The following TINCR variants were observed in gnomAD, a reference collection of about 807,000 sequenced individuals.
The protein encoded by TINCR is TINCR ubiquitin domain containing.
At chr19:5,558,622 C>G (rs1303936705), downstream of TINCR, 1 of 152,272 alleles carries the variant, frequency 6.6e-6, no homozygotes, top group African/African-American at 2.4e-5. Flanking sequence ...CACAATAGTT[C>G]CCCTTGGCCC....
At position 5,565,210 on chromosome 19, in the gene TINCR, T is replaced by A. The variant is rs1485759928; in HGVS notation, c.261-2261A>T. On this transcript the variant is annotated intron_variant, in intron 1 of 1. Transcript: ENST00000646160. The surrounding 1 kb of genome is among the most constrained non-coding windows in gnomAD (Gnocchi z 4.0). ...CTCGCTGTTCCTCCAACATGCCAGG[T>A]GCAGTCCTGCCTCAGGGCCTTTGCA... Among the ~76,000 whole-genome samples, 1 of 152,000 alleles carries A rather than the reference T, an allele frequency of 6.6e-6. No individual in the cohort carries two copies. The highest frequency in any genetic ancestry group is 1.5e-5 in the Non-Finnish European group (1 of 67,986).
chr19:5,559,731 C>T (rs1305992373), downstream of TINCR: 1 of 152,196 alleles, frequency 6.6e-6, no homozygotes, highest in African/African-American at 2.4e-5. Context: ...TTATTAAATG[C>T]CCCATTTTCT....
intron 1 of TINCR, among the ~76,000 whole-genome samples, chr19:5,566,207 AATG>A (rs2052127716): frequency 3.9e-5 from 6 of 152,070 alleles, no homozygotes; most frequent in Non-Finnish European, 7.4e-5. Flanking sequence ...AGCAGAGAAA[AATG>A]CAGAGACACC....
chr19:5,567,143 A>G (rs1313283233), intron 1 of TINCR, among the ~76,000 whole-genome samples: 1 of 151,992 alleles, frequency 6.6e-6, no homozygotes, highest in Non-Finnish European at 1.5e-5. Context: ...GATAAAAGAG[A>G]CAGAGACAAG....
rs2052123472 is a variant in TINCR, at chr19:5,565,409, A to G, written c.260+2256T>C. ...TTGCGAGTTGACATTCTCCTGTGCTATTATTTGGCTCTAGGCTCTGTGAAG... is the reference window on the plus strand; with the variant it reads ...TTGCGAGTTGACATTCTCCTGTGCTGTTATTTGGCTCTAGGCTCTGTGAAG... On this transcript the variant is annotated intron_variant, in intron 1 of 1. Coordinates refer to ENST00000646160, the Ensembl canonical transcript of TINCR. The surrounding 1 kb of genome is among the most constrained non-coding windows in gnomAD (Gnocchi z 4.0). Among the ~76,000 whole-genome samples the G allele has an allele frequency of 6.6e-6, 1 of 152,120 alleles. No homozygotes were observed. The highest frequency in any genetic ancestry group is 2.1e-4 in the South Asian group (1 of 4,830).
chr19:5,562,606 A>G (rs530198987), downstream of TINCR: 2 of 152,352 alleles, frequency 1.3e-5, no homozygotes, highest in South Asian at 4.1e-4. This position sits in a 1 kb window ranked among gnomAD's most constrained non-coding sequence, Gnocchi z 4.4. Context: ...GGCTGCTGAC[A>G]AGTGATGGGG....
chr19:5,566,679 CAG>C (rs1305171759), intron 1 of TINCR, among the ~76,000 whole-genome samples: 2 of 150,014 alleles, frequency 1.3e-5, no homozygotes, highest in Non-Finnish European at 3.0e-5. Context: ...TACACAGACA[CAG>C]AGAAAAACAG....
chr19:5,562,584 C>T (rs567639720), downstream of TINCR: 28 of 152,238 alleles, frequency 1.8e-4, no homozygotes, highest in African/African-American at 6.3e-4. This position sits in a 1 kb window ranked among gnomAD's most constrained non-coding sequence, Gnocchi z 4.4. Context: ...ATAAGTAAAA[C>T]GTAGAGAAGT....
downstream of TINCR, chr19:5,562,159 G>A (rs1381061178): frequency 6.6e-6 from 1 of 152,650 alleles, no homozygotes; most frequent in Non-Finnish European, 1.5e-5. The surrounding 1 kb of genome is among the most constrained non-coding windows in gnomAD (Gnocchi z 4.4). Context: ...TATTCCTTCA[G>A]CCAGTACCCA....
At chr19:5,561,044 T>TGG (rs2052099367), downstream of TINCR, 3 of 154,088 alleles carry the variant, frequency 1.9e-5, no homozygotes, top group African/African-American at 7.2e-5. Context: ...GGGCACGGCT[T>TGG]GGGCAAAGGT....
downstream of TINCR, chr19:5,562,056 CT>C (rs1006956385): frequency 2.6e-4 from 40 of 152,802 alleles, no homozygotes; most frequent in African/African-American, 9.6e-4. This position sits in a 1 kb window ranked among gnomAD's most constrained non-coding sequence, Gnocchi z 4.4. Context: ...GGTCCTTTCT[CT>C]TTCTCAACTA....
chr19:5,564,340 C>G (rs1456273140), intron 1 of TINCR, among the ~76,000 whole-genome samples: 2 of 152,222 alleles, frequency 1.3e-5, no homozygotes, highest in Non-Finnish European at 2.9e-5. Context: ...AGCCCCTGCT[C>G]TGCCTCTAGA....
chr19:5,564,036 G>C (rs943795834), intron 1 of TINCR, among the ~76,000 whole-genome samples: 9 of 152,290 alleles, frequency 5.9e-5, no homozygotes, highest in African/African-American at 2.2e-4. Context: ...GTGCCTGCTA[G>C]CTCCCGTGAC....
At position 5,565,636 on chromosome 19, in the gene TINCR, T is replaced by G. The variant is rs1035145017; in HGVS notation, c.260+2029A>C. ...GCCCCAAGCTCTGAACCTCCATCCC[T>G]CATCATCCTCTCAGCCTCCCCGTCC... On this transcript the variant is annotated intron_variant, in intron 1 of 1. Coordinates refer to ENST00000646160, the Ensembl canonical transcript of TINCR. The surrounding 1 kb of genome is among the most constrained non-coding windows in gnomAD (Gnocchi z 4.0). Among the ~76,000 whole-genome samples, 5 of 151,908 alleles carry G rather than the reference T, an allele frequency of 3.3e-5. No individual in the cohort carries two copies. Among genetic ancestry groups the G allele is most frequent in the African/African-American group, 7.3e-5 (3 of 41,342 alleles).
At chr19:5,564,664 C>T (rs906794136) in intron 1 of TINCR, among the ~76,000 whole-genome samples, 3 of 152,168 alleles carry the variant, frequency 2.0e-5, no homozygotes, top group Admixed American at 6.5e-5. Flanking sequence ...CTGCAACCTC[C>T]GCCTCCAGGT....
In TINCR at chr19:5,567,328, A is replaced by C. The variant is rs573706105; in HGVS notation, c.260+337T>G. On this transcript the variant is annotated intron_variant, in intron 1 of 1. Transcript: ENST00000646160. ...GAGTCAGAGACAAGAGACAGAAAGAAGAGGGAGAGAGATGAGAGACAGAGA... is the reference window on the plus strand; with the variant it reads ...GAGTCAGAGACAAGAGACAGAAAGACGAGGGAGAGAGATGAGAGACAGAGA... Among the ~76,000 whole-genome samples the C allele has an allele frequency of 4.6e-5, 7 of 152,060 alleles. No individual in the cohort carries two copies. In the South Asian group the frequency reaches 1.5e-3, roughly 32 times the overall value.
At chr19:5,561,571 G>C (rs2052102157), downstream of TINCR, 1 of 152,390 alleles carries the variant, frequency 6.6e-6, no homozygotes. Flanking sequence ...AAGAGGAACA[G>C]GGATGGCCCC....
In TINCR at chr19:5,567,881, TGGTAGCGCTTCCAGCGC is replaced by T. The variant is rs1448031666; in HGVS notation, c.27_43del (p.Arg10HisfsTer88). The T allele has an allele frequency of 5.1e-6, 2 of 390,914 alleles. No homozygotes were observed. The highest frequency in any genetic ancestry group is 9.0e-6 in the Non-Finnish European group (2 of 221,170). 24.2% of individuals were successfully genotyped at this position (390,914 alleles called of 1,614,324 possible). A position where few individuals can be genotyped will look rare whatever the true frequency, so the allele number is the denominator to read the frequency against. ...CTCGTCCGCCAGGTGCACCTTGATG[TGGTAGCGCTTCCAGCGC>T]GACAGCCCCCGCCGCAGCCCCTCCA... On this transcript the variant is annotated frameshift_variant, in exon 1 of 2. Coordinates refer to ENST00000646160, the Ensembl canonical transcript of TINCR. LOFTEE classifies it high-confidence loss of function.
downstream of TINCR, chr19:5,559,427 C>T (rs7250122): frequency 0.67 from 101,718 of 151,550 alleles, 34,502 homozygotes; most frequent in East Asian, 0.85. Flanking sequence ...CTCTGCCTCC[C>T]GGGTTCCCGC....
Sources: gnomAD v4.1 joint callset for allele counts (sites outside exome capture counted in the v4.1 genomes callset) on GRCh38, gnomAD v4.1.1 for gene constraint, Gnocchi (gnomAD v3.1) non-coding constraint, MANE v1.5 for transcripts, NCBI Gene and HGNC (gene_info 2026-07-23, HGNC 2026-07-21) for gene names.